The following CCDC171 variants were observed in gnomAD, a reference collection of about 807,000 sequenced individuals.
The protein encoded by CCDC171 is coiled-coil domain containing 171, also known as coiled-coil domain-containing protein 171.
A neutral mutation model predicts 168.2 loss-of-function variants in CCDC171; 177 were observed. The ratio of observed to expected loss-of-function variants is 1.05; its 90% CI spans 0.93 to 1.19. CCDC171 has a LOEUF of 1.19. CCDC171 is among the 50% of genes most tolerant of loss of function. The probability of loss-of-function intolerance (pLI) is 0.00; values close to 1 mark genes in which losing one functional copy is unlikely to be tolerated. For synonymous variants in CCDC171, 687 were observed against 540.8 expected (o/e 1.27, Z -3.75); for missense variants, 1,991 against 1,539.0 (o/e 1.29, Z -4.91).
At chr9:16,062,185 A>C (rs887180746), downstream of CCDC171, among the ~76,000 whole-genome samples, 1 of 152,166 alleles carries the variant, frequency 6.6e-6, no homozygotes, top group African/African-American at 2.4e-5. Context: ...AACAAACAAA[A>C]AAACAAAACA....
chr9:15,802,988 T>G (rs1026322352), intron 21 of CCDC171, among the ~76,000 whole-genome samples: 1 of 152,220 alleles, frequency 6.6e-6, no homozygotes, highest in Non-Finnish European at 1.5e-5. Context: ...TGTTTTGATT[T>G]GCATTTCTCT....
intron 21 of CCDC171, among the ~76,000 whole-genome samples, chr9:15,806,478 C>T (rs1327668124): frequency 2.0e-5 from 3 of 152,086 alleles, no homozygotes; most frequent in Non-Finnish European, 4.4e-5. Flanking sequence ...AATCTTATTT[C>T]TCCTTCGCTT....
At chr9:15,945,565 T>G (rs912109317) in intron 25 of CCDC171, among the ~76,000 whole-genome samples, 2 of 134,064 alleles carry the variant, frequency 1.5e-5, no homozygotes, top group African/African-American at 2.6e-5. Flanking sequence ...TTTTAATGAT[T>G]GCCATTCTAA....
At chr9:15,665,197 G>C (rs1391731567) in intron 8 of CCDC171, among the ~76,000 whole-genome samples, 1 of 152,028 alleles carries the variant, frequency 6.6e-6, no homozygotes, top group Non-Finnish European at 1.5e-5. Flanking sequence ...TGCAATCACA[G>C]CCCACGGCAG....
intron 2 of CCDC171, among the ~76,000 whole-genome samples, chr9:15,570,362 A>G (rs1032005410): frequency 2.0e-5 from 3 of 149,806 alleles, no homozygotes; most frequent in Non-Finnish European, 4.4e-5. Flanking sequence ...ATATACTCCT[A>G]TTTTTTTTAG....
intron 23 of CCDC171, among the ~76,000 whole-genome samples, chr9:15,861,715 T>G (rs2061567948): frequency 6.6e-6 from 1 of 151,974 alleles, no homozygotes; most frequent in Non-Finnish European, 1.5e-5. Flanking sequence ...CACATATTTT[T>G]TACTTATAGT....
chr9:15,761,107 AAC>A (rs1309791365), intron 18 of CCDC171, among the ~76,000 whole-genome samples: 1 of 152,214 alleles, frequency 6.6e-6, no homozygotes. Context: ...TCTCTGAACA[AAC>A]ACAGGAGTAG....
At chr9:15,639,325 A>G (rs2046422065) in intron 7 of CCDC171, among the ~76,000 whole-genome samples, 1 of 152,076 alleles carries the variant, frequency 6.6e-6, no homozygotes, top group Non-Finnish European at 1.5e-5. Context: ...TATGTTTATA[A>G]TAAATTTTAA....
At position 15,684,052 on chromosome 9, in the gene CCDC171, G is replaced by C. The variant is rs1336358852; in HGVS notation, c.1215+5156G>C. Among the ~76,000 whole-genome samples the C allele has an allele frequency of 2.6e-5, 4 of 152,010 alleles. No homozygotes were observed. The East Asian group carries it at 7.7e-4, about 29-fold the overall frequency. ...TTAGGGAAAAGCTGCTGATGGTGAT[G>C]ATAACAAAAGCTACTCAGACCTCCT... On this transcript the variant is annotated intron_variant, in intron 10 of 25. Transcript: ENST00000380701.
chr9:15,902,591 AG>A (rs34984607), intron 24 of CCDC171, among the ~76,000 whole-genome samples: 45,760 of 151,828 alleles, frequency 0.3, 7,076 homozygotes, highest in African/African-American at 0.35. Flanking sequence ...TCCAGTCTAC[AG>A]CTCCCAGCAT....
chr9:15,799,190 A>G (rs764256693), intron 21 of CCDC171, among the ~76,000 whole-genome samples: 50 of 133,576 alleles, frequency 3.7e-4, no homozygotes, highest in Admixed American at 1.6e-3. Context: ...CACTTCCTTT[A>G]TATAGACCCG....
chr9:15,748,115 C>G (rs937215546), intron 18 of CCDC171, among the ~76,000 whole-genome samples: 1 of 152,052 alleles, frequency 6.6e-6, no homozygotes, highest in Non-Finnish European at 1.5e-5. Context: ...GTGACTTAAC[C>G]TCTCTGGGCC....
intron 10 of CCDC171, among the ~76,000 whole-genome samples, chr9:15,680,851 A>G (rs976482092): frequency 6.6e-6 from 1 of 152,182 alleles, no homozygotes; most frequent in African/African-American, 2.4e-5. Flanking sequence ...TATTGTACTC[A>G]GTAGTTTGGA....
chr9:15,699,176 G>A (rs938844183), intron 11 of CCDC171, among the ~76,000 whole-genome samples: 11 of 151,964 alleles, frequency 7.2e-5, no homozygotes, highest in Non-Finnish European at 1.3e-4. Context: ...GTGGGTTCTT[G>A]GTCTCGCTGG....
chr9:15,886,962 G>C (rs1482415534), intron 24 of CCDC171, among the ~76,000 whole-genome samples: 1 of 152,090 alleles, frequency 6.6e-6, no homozygotes, highest in Admixed American at 6.6e-5. Context: ...AGAGTAGAAG[G>C]TGGTTGGGGG....
At chr9:15,580,833 G>A (rs985751863) in intron 4 of CCDC171, among the ~76,000 whole-genome samples, 1 of 152,134 alleles carries the variant, frequency 6.6e-6, no homozygotes, top group Non-Finnish European at 1.5e-5. Context: ...ATTCCTTAAA[G>A]AACTAAAACT....
At chr9:15,835,374 G>A (rs1177648635) in intron 21 of CCDC171, among the ~76,000 whole-genome samples, 4 of 152,144 alleles carry the variant, frequency 2.6e-5, no homozygotes, top group Non-Finnish European at 5.9e-5. Flanking sequence ...ATGATATCCT[G>A]TGTCTAAATT....
At chr9:15,853,718 T>C (rs961474843) in intron 23 of CCDC171, among the ~76,000 whole-genome samples, 1 of 151,626 alleles carries the variant, frequency 6.6e-6, no homozygotes, top group African/African-American at 2.4e-5. Context: ...AAGCATGATA[T>C]TAGCTGTGGG....
rs1823444459 is a variant in CCDC171 at position 15,910,389 on chromosome 9, T to C, written c.3601-9881T>C. Among the ~76,000 whole-genome samples the C allele has an allele frequency of 2.6e-5, 4 of 152,330 alleles. No homozygotes were observed. In the South Asian group the frequency reaches 8.3e-4, roughly 32 times the overall value. The stretch of plus-strand genomic sequence containing the variant: ...ATCAGTTGGCTGTAGGTATGTGGCT[T>C]TATTCCTCGCTTCTCCATTCTGTTC... On this transcript the variant is annotated intron_variant, in intron 24 of 25. Coordinates refer to ENST00000380701, the MANE Select transcript of CCDC171 (RefSeq NM_173550.4).
Sources: gnomAD v4.1 joint callset for allele counts (sites outside exome capture counted in the v4.1 genomes callset) on GRCh38, gnomAD v4.1.1 for gene constraint, MANE v1.5 for transcripts, NCBI Gene and HGNC (gene_info 2026-07-23, HGNC 2026-07-21) for gene names.